Variants in LRMDA observed in about 807,000 individuals in gnomAD.
LRMDA encodes the protein leucine rich melanocyte differentiation associated.
A neutral mutation model predicts 29.8 loss-of-function variants in LRMDA; 18 were observed. The ratio of observed to expected loss-of-function variants is 0.60; its 90% confidence interval spans 0.42 to 0.90. The LOEUF (loss-of-function observed/expected upper bound fraction) is 0.90. Among genes scored for constraint, LRMDA ranks in the 40% least tolerant of loss-of-function variants. The probability of loss-of-function intolerance (pLI) is 0.00; values close to 1 mark genes in which losing one functional copy is unlikely to be tolerated. For synonymous variants in LRMDA, 125 were observed against 109.4 expected, an observed-to-expected ratio of 1.14 and a Z score of -0.89; for missense variants, 273 against 273.9, an observed-to-expected ratio of 1.00 and a Z score of 0.02.
chr10:76,087,072 T>G (rs1034820868), intron 5 of LRMDA, among the ~76,000 whole-genome samples: 1 of 152,104 alleles, frequency 6.6e-6, no homozygotes, highest in Non-Finnish European at 1.5e-5. Flanking sequence ...GAAAATCATC[T>G]CCCAGACAGG....
chr10:76,446,220 T>C (rs958443173), intron 6 of LRMDA, among the ~76,000 whole-genome samples: 6 of 152,340 alleles, frequency 3.9e-5, no homozygotes, highest in Non-Finnish European at 7.3e-5. Context: ...TTGTGTTCAC[T>C]CATTTTAACT....
chr10:76,385,978 A>T (rs1841654840), intron 6 of LRMDA, among the ~76,000 whole-genome samples: 1 of 152,226 alleles, frequency 6.6e-6, no homozygotes, highest in Non-Finnish European at 1.5e-5. Flanking sequence ...TGTAACAAGT[A>T]GCAATATAAT....
chr10:75,584,820 G>A (rs1287885346), intron 2 of LRMDA, among the ~76,000 whole-genome samples: 1 of 152,138 alleles, frequency 6.6e-6, no homozygotes, highest in Non-Finnish European at 1.5e-5. Flanking sequence ...AGTGCCTTTT[G>A]ATTCCATTAT....
At chr10:76,062,811 G>T (rs1311047388) in intron 5 of LRMDA, among the ~76,000 whole-genome samples, 2 of 151,906 alleles carry the variant, frequency 1.3e-5, no homozygotes, top group Non-Finnish European at 2.9e-5. Context: ...TGTTAATACA[G>T]AGAACACCAC....
At position 75,673,735 on chromosome 10, in the gene LRMDA, C is replaced by T. The variant is rs532296469; in HGVS notation, c.131+235241C>T. ...CTCTGACCTTTTGTGTCTAGGGATGCGACTAGGGGCTGAGACCTCAGTTGG... is the reference window on the plus strand; with the variant it reads ...CTCTGACCTTTTGTGTCTAGGGATGTGACTAGGGGCTGAGACCTCAGTTGG... On this transcript the variant is annotated intron_variant, in intron 2 of 6. Transcript: ENST00000611255. Among the ~76,000 whole-genome samples the T allele has an allele frequency of 7.2e-5, 11 of 152,264 alleles. No homozygotes were observed. In the South Asian group the frequency reaches 1.0e-3, roughly 14 times the overall value.
chr10:75,738,457 GGT>G (rs2132206812), intron 2 of LRMDA, among the ~76,000 whole-genome samples: 1 of 152,240 alleles, frequency 6.6e-6, no homozygotes, highest in Non-Finnish European at 1.5e-5. Flanking sequence ...ATTCTTAACC[GGT>G]GATAGTGCAG....
chr10:75,812,220 G>A (rs944383940), intron 2 of LRMDA, among the ~76,000 whole-genome samples: 8 of 143,378 alleles, frequency 5.6e-5, no homozygotes, highest in African/African-American at 2.1e-4. Flanking sequence ...GATGCTATAG[G>A]ATATTTTATG....
intron 2 of LRMDA, among the ~76,000 whole-genome samples, chr10:75,457,101 T>C (rs1412115327): frequency 6.6e-6 from 1 of 152,226 alleles, no homozygotes; most frequent in Admixed American, 6.5e-5. Context: ...AAGCAAGGTG[T>C]TCTTTCCAGC....
intron 2 of LRMDA, among the ~76,000 whole-genome samples, chr10:75,938,339 G>A (rs74714626): frequency 0.018 from 2,808 of 152,318 alleles, 71 homozygotes; most frequent in African/African-American, 0.059. Flanking sequence ...AGCCTAGCCT[G>A]AGAGAGGAGC....
Position 76,559,115 on chromosome 10 carries a change from A to G in LRMDA, c.*1827A>G, listed in dbSNP as rs537700089. 2 of 152,310 alleles carry G rather than the reference A, an allele frequency of 1.3e-5. No individual in the cohort carries two copies. The highest frequency in any genetic ancestry group is 4.8e-5 in the African/African-American group (2 of 41,566). 9.4% of individuals were successfully genotyped at this position (152,310 alleles called of 1,614,324 possible). A position where few individuals can be genotyped will look rare whatever the true frequency, so the allele number is the denominator to read the frequency against. On this transcript the variant is annotated 3_prime_UTR_variant, in exon 7 of 7. Transcript: ENST00000611255. The stretch of plus-strand genomic sequence containing the variant: ...GGCAGCCAGAATTCTGTGCAAGGGC[A>G]GCTAGACGAGTCAGATGTCATATCC...
At chr10:75,449,254 C>T (rs1395871833) in intron 2 of LRMDA, among the ~76,000 whole-genome samples, 1 of 151,774 alleles carries the variant, frequency 6.6e-6, no homozygotes, top group Non-Finnish European at 1.5e-5. Flanking sequence ...TATGTTATCT[C>T]ATTTACTCCC....
intron 6 of LRMDA, among the ~76,000 whole-genome samples, chr10:76,472,486 T>C (rs1842628024): frequency 6.6e-6 from 1 of 151,618 alleles, no homozygotes. Context: ...TAACTTGATT[T>C]TCCACCTTAA....
intron 2 of LRMDA, among the ~76,000 whole-genome samples, chr10:76,021,219 GGACA>G (rs1847969433): frequency 6.6e-6 from 1 of 152,158 alleles, no homozygotes; most frequent in African/African-American, 2.4e-5. Flanking sequence ...GCTGGGTTTG[GGACA>G]GACAGAGAAG....
chr10:76,156,252 A>G (rs1850536099), intron 5 of LRMDA, among the ~76,000 whole-genome samples: 1 of 152,170 alleles, frequency 6.6e-6, no homozygotes. Flanking sequence ...CCAAGGGCTC[A>G]AAAACCCTGG....
chr10:75,889,011 A>G (rs1589242132), intron 2 of LRMDA, among the ~76,000 whole-genome samples: 2 of 152,158 alleles, frequency 1.3e-5, no homozygotes, highest in South Asian at 4.1e-4. Context: ...CCCATTGACT[A>G]TAGTACAAAG....
At chr10:76,143,522 CACTTTTTG>C (rs1399283458) in intron 5 of LRMDA, among the ~76,000 whole-genome samples, 1 of 151,920 alleles carries the variant, frequency 6.6e-6, no homozygotes, top group African/African-American at 2.4e-5. Context: ...ATCCTTTGCC[CACTTTTTG>C]ATGGGGTTGT....
intron 5 of LRMDA, among the ~76,000 whole-genome samples, chr10:76,320,125 G>A (rs1009234461): frequency 1.1e-4 from 16 of 152,292 alleles, no homozygotes; most frequent in Non-Finnish European, 2.1e-4. Context: ...CGCTTTGCAC[G>A]TCTGTTGTAG....
chr10:76,425,239 G>T (rs1310765348), intron 6 of LRMDA, among the ~76,000 whole-genome samples: 1 of 152,150 alleles, frequency 6.6e-6, no homozygotes. Context: ...AGATCTGTTT[G>T]TGGCTTTATT....
chr10:76,253,167 G>C (rs1852517341), intron 5 of LRMDA, among the ~76,000 whole-genome samples: 2 of 152,122 alleles, frequency 1.3e-5, no homozygotes. Context: ...GGGTACTTTT[G>C]CTTTGTTTTG....
Sources: allele counts gnomAD v4.1 joint callset (sites outside exome capture counted in the v4.1 genomes callset), GRCh38; gene constraint gnomAD v4.1.1; transcripts MANE v1.5; gene names NCBI Gene and HGNC (gene_info 2026-07-23, HGNC 2026-07-21).